IFRD1: variants seen among roughly 807,000 people sequenced by gnomAD.
The protein encoded by IFRD1 is interferon related developmental regulator 1.
IFRD1 carries 35 observed loss-of-function variants against 52.9 expected under a neutral mutation model. The ratio of observed to expected loss-of-function variants is 0.66; its 90% CI spans 0.51 to 0.88. IFRD1 has a LOEUF of 0.88. IFRD1 is among the 40% of genes least tolerant of loss of function. IFRD1 has a pLI of 0.00. For synonymous variants in IFRD1, 184 were observed against 188.4 expected (o/e 0.98, Z 0.19); for missense variants, 517 against 550.8 (o/e 0.94, Z 0.61).
chr7:112,451,672 G>C (rs1446309564), intron 1 of IFRD1, among the ~76,000 whole-genome samples: 1 of 152,138 alleles, frequency 6.6e-6, no homozygotes, highest in African/African-American at 2.4e-5. Flanking sequence ...ATATGGTTAA[G>C]AAAAAGGATT....
intron 1 of IFRD1, among the ~76,000 whole-genome samples, chr7:112,445,169 C>T (rs1470541956): frequency 6.6e-6 from 1 of 150,734 alleles, no homozygotes; most frequent in Non-Finnish European, 1.5e-5. Context: ...CGAGTTCATG[C>T]CATTCTCCTG....
At chr7:112,460,198 C>G (rs909739505) in intron 5 of IFRD1, among the ~76,000 whole-genome samples, 6 of 149,238 alleles carry the variant, frequency 4.0e-5, no homozygotes, top group African/African-American at 1.5e-4. Context: ...TTAGCCTCCC[C>G]ATTTAGCAGA....
intron 11 of IFRD1, 36 bp downstream of exon 11, chr7:112,472,897 C>T (rs769106646): frequency 6.3e-5 from 90 of 1,419,142 alleles, no homozygotes; most frequent in African/African-American, 2.8e-4. Flanking sequence ...AAACTAAGTG[C>T]GCCAAAGCTT....
intron 1 of IFRD1, among the ~76,000 whole-genome samples, chr7:112,443,484 T>C (rs954107544): frequency 1.3e-5 from 2 of 151,650 alleles, no homozygotes; most frequent in Admixed American, 6.6e-5. Context: ...GACGGGAGGA[T>C]TGCTTGAGCC....
chr7:112,452,155 C>CTT, intron 1 of IFRD1: 45 of 762,352 alleles, frequency 5.9e-5, no homozygotes, highest in South Asian at 1.8e-4. Context: ...ATTGAGGATA[C>CTT]TTTTTTTTTT....
chr7:112,438,977 T>C (rs549953924), intron 1 of IFRD1, among the ~76,000 whole-genome samples: 275 of 152,064 alleles, frequency 1.8e-3, no homozygotes, highest in African/African-American at 5.2e-3. Context: ...TGCCAATTAA[T>C]AACAACAACA....
At chr7:112,440,230 C>T (rs112540173) in intron 1 of IFRD1, among the ~76,000 whole-genome samples, 2,742 of 152,278 alleles carry the variant, frequency 0.018, 83 homozygotes, top group African/African-American at 0.062. Flanking sequence ...AGTGATCTGT[C>T]TGCCTTGGCC....
chr7:112,455,901 A>G (rs770240912), intron 2 of IFRD1, 34 bp downstream of exon 2: 1 of 1,520,616 alleles, frequency 6.6e-7, no homozygotes, highest in Admixed American at 1.7e-5. Context: ...GCAACTTTAG[A>G]TAAAATGTTT....
In IFRD1 at chr7:112,477,006, C is replaced by T. The variant is rs1795919839; in HGVS notation, c.*1487C>T. ...GTCACTGTTGCTGAGTCCCATCCCC[C>T]AGTTACAGTGCAGTGGAAAACAGGT... is the stretch of plus-strand genomic sequence containing the variant. On this transcript the variant is annotated 3_prime_UTR_variant, in exon 12 of 12. Coordinates refer to ENST00000403825, the MANE Select transcript of IFRD1 (RefSeq NM_001550.4). 1 of 152,098 alleles carries T rather than the reference C, an allele frequency of 6.6e-6. No homozygotes were observed. The highest frequency in any genetic ancestry group is 6.5e-5 in the Admixed American group (1 of 15,272). 9.4% of individuals were successfully genotyped at this position (152,098 alleles called of 1,614,324 possible). A position where few individuals can be genotyped will look rare whatever the true frequency, so the allele number is the denominator to read the frequency against.
At chr7:112,463,889 C>CGTATCTTTTCTCCAACTTA (rs1795537398) in intron 8 of IFRD1, among the ~76,000 whole-genome samples, 1 of 14,870 alleles carries the variant, frequency 6.7e-5, no homozygotes, top group Non-Finnish European at 2.1e-4. Flanking sequence ...CACACACACA[C>CGTATCTTTTCTCCAACTTA]ACACACCCCA....
upstream of IFRD1, among the ~76,000 whole-genome samples, chr7:112,449,260 G>A (rs1795093556): frequency 2.0e-5 from 3 of 152,174 alleles, no homozygotes; most frequent in African/African-American, 7.2e-5. Flanking sequence ...ATTGCTTTGC[G>A]GGTGGGGAGG....
intron 8 of IFRD1, among the ~76,000 whole-genome samples, chr7:112,462,817 G>A (rs1393340557): frequency 1.2e-5 from 1 of 83,042 alleles, no homozygotes; most frequent in Non-Finnish European, 2.5e-5. Flanking sequence ...GCCAAAGATG[G>A]AAATAAACAC....
At chr7:112,456,661 T>G (rs1478732876) in intron 3 of IFRD1, among the ~76,000 whole-genome samples, 1 of 152,176 alleles carries the variant, frequency 6.6e-6, no homozygotes, top group African/African-American at 2.4e-5. Flanking sequence ...TAAAATATTA[T>G]GTAAGCATTT....
At chr7:112,472,918 T>C in intron 11 of IFRD1, 57 bp downstream of exon 11, 5 of 1,200,642 alleles carry the variant, frequency 4.2e-6, no homozygotes. Flanking sequence ...TGATTCTGTC[T>C]AGTGTCAGCA....
intron 8 of IFRD1, among the ~76,000 whole-genome samples, chr7:112,465,183 G>A (rs1795576463): frequency 6.6e-6 from 1 of 152,078 alleles, no homozygotes; most frequent in Admixed American, 6.5e-5. Context: ...TAGATACAGA[G>A]CCACTGTGTC....
chr7:112,435,883 T>G lies in IFRD1; in HGVS notation c.-182+12451T>G, dbSNP rs546751040. Reference sequence around the variant, plus strand: ...TATTTTTCTTTTTTCTCTCTTTTTTTTTTTTGTTTTTGTTTTTTGAACAGA... The same window carrying G: ...TATTTTTCTTTTTTCTCTCTTTTTTGTTTTTGTTTTTGTTTTTTGAACAGA... On this transcript the variant is annotated intron_variant, in intron 1 of 12. Coordinates refer to the IFRD1 transcript ENST00000005558. 2.0e-3 allele frequency among the ~76,000 whole-genome samples: 307 copies of G among 152,080 alleles called. 1 individual carries two copies. Among genetic ancestry groups the G allele is most frequent in the African/African-American group, 6.8e-3 (284 of 41,494 alleles).
chr7:112,457,354 A>G (rs1795322102), intron 4 of IFRD1: 1 of 489,408 alleles, frequency 2.0e-6, no homozygotes, highest in Non-Finnish European at 3.6e-6. Context: ...TCAGACATCT[A>G]GCTCATTTTC....
chr7:112,423,447 C>T (rs1027932773), intron 1 of IFRD1: 6 of 152,158 alleles, frequency 3.9e-5, no homozygotes, highest in Non-Finnish European at 8.8e-5. Context: ...GTATTATCTC[C>T]ATTTGCATAT....
chr7:112,472,087 A>G (rs1438595262), intron 9 of IFRD1, 132 bp from the exon 10 acceptor site: 2 of 899,924 alleles, frequency 2.2e-6, no homozygotes, highest in African/African-American at 1.6e-5. Context: ...CATCTCAGGT[A>G]TGGCAGTATC....
Sources: gnomAD v4.1 joint callset for allele counts (sites outside exome capture counted in the v4.1 genomes callset) on GRCh38, gnomAD v4.1.1 for gene constraint, MANE v1.5 for transcripts, NCBI Gene and HGNC (gene_info 2026-07-23, HGNC 2026-07-21) for gene names.